Variants in STK24 observed in about 807,000 individuals in gnomAD.
The protein encoded by STK24 is serine/threonine-protein kinase 24.
A neutral mutation model predicts 55.6 loss-of-function variants in STK24; 21 were observed. That is an observed-to-expected ratio of 0.38 (90% CI 0.27 to 0.54). The LOEUF (loss-of-function observed/expected upper bound fraction) is 0.54, where lower values mean the gene tolerates loss of function less well. Ranked by LOEUF, STK24 falls within the 20% of genes least tolerant of loss-of-function variation. The pLI, the probability that STK24 is intolerant of heterozygous loss-of-function variation, is 0.79. For missense variants in STK24, 383 were observed against 538.4 expected (o/e 0.71, Z 2.86); for synonymous variants, 200 against 215.2 (o/e 0.93, Z 0.62).
At chr13:98,460,514 A>C in intron 8 of STK24, 74 bp from the exon 9 acceptor site, 1 of 1,264,400 alleles carries the variant, frequency 7.9e-7, no homozygotes, top group Non-Finnish European at 1.1e-6. Context: ...TAAACCTCCC[A>C]CCTGGACTAT....
chr13:98,485,009 G>A (rs934174490), intron 2 of STK24, among the ~76,000 whole-genome samples: 4 of 152,070 alleles, frequency 2.6e-5, no homozygotes, highest in Admixed American at 6.5e-5. Flanking sequence ...ACCCGGGCTG[G>A]GCCTGTGACT....
intron 1 of STK24, among the ~76,000 whole-genome samples, chr13:98,540,901 T>A (rs1201960237): frequency 6.6e-6 from 1 of 151,836 alleles, no homozygotes; most frequent in Non-Finnish European, 1.5e-5. Flanking sequence ...AGGACCCATT[T>A]AAGATTAAAT....
At chr13:98,555,795 C>T (rs1192933404) in intron 1 of STK24, among the ~76,000 whole-genome samples, 8 of 149,798 alleles carry the variant, frequency 5.3e-5, no homozygotes, top group Admixed American at 5.3e-4. Flanking sequence ...ATTCTCCTGC[C>T]TCAGCCTCCC....
intron 2 of STK24, among the ~76,000 whole-genome samples, chr13:98,513,196 G>C (rs116819825): frequency 6.6e-6 from 1 of 152,312 alleles, no homozygotes; most frequent in African/African-American, 2.4e-5. Flanking sequence ...GCCTGCACTG[G>C]GTCCTGCCAC....
chr13:98,514,585 G>T (rs1014436762), intron 2 of STK24, among the ~76,000 whole-genome samples: 3 of 152,198 alleles, frequency 2.0e-5, no homozygotes, highest in African/African-American at 7.2e-5. Flanking sequence ...ATGAAAACTT[G>T]TAAGTCAGGG....
intron 5 of STK24, among the ~76,000 whole-genome samples, chr13:98,467,561 A>G (rs945219177): frequency 1.3e-5 from 2 of 152,024 alleles, no homozygotes; most frequent in African/African-American, 2.4e-5. Flanking sequence ...CAGGTCCCAA[A>G]TTCGGGATTT....
chr13:98,458,391 A>G (rs1000883657), intron 9 of STK24, among the ~76,000 whole-genome samples: 1 of 152,168 alleles, frequency 6.6e-6, no homozygotes, highest in Admixed American at 6.5e-5. Flanking sequence ...CAGGTTGTTG[A>G]ACACATGCTG....
At chr13:98,484,284 G>A (rs1179379977) in intron 2 of STK24, among the ~76,000 whole-genome samples, 3 of 152,204 alleles carry the variant, frequency 2.0e-5, no homozygotes, top group Non-Finnish European at 4.4e-5. Flanking sequence ...GATGGCAAAG[G>A]AAATCTAAAT....
chr13:98,566,829 A>G (rs978057205), intron 1 of STK24, among the ~76,000 whole-genome samples: 2 of 152,182 alleles, frequency 1.3e-5, no homozygotes, highest in Non-Finnish European at 2.9e-5. Flanking sequence ...CTCAAGAAAT[A>G]TTTGGTACCA....
intron 8 of STK24, among the ~76,000 whole-genome samples, chr13:98,460,657 C>G (rs1348596026): frequency 6.6e-6 from 1 of 152,122 alleles, no homozygotes; most frequent in Non-Finnish European, 1.5e-5. Flanking sequence ...AAAACCCACG[C>G]ACCGGGGAAA....
intron 7 of STK24, 130 bp from the exon 8 acceptor site, chr13:98,462,027 C>T: frequency 1.8e-6 from 2 of 1,120,480 alleles, no homozygotes; most frequent in Non-Finnish European, 2.5e-6. Flanking sequence ...CCACCCATCA[C>T]ACCCTTGTCC....
chr13:98,502,748 A>G (rs1895524293), intron 2 of STK24, among the ~76,000 whole-genome samples: 2 of 152,170 alleles, frequency 1.3e-5, no homozygotes, highest in African/African-American at 4.8e-5. Flanking sequence ...AGCCTCCAGA[A>G]CTGTGAAAAA....
intron 2 of STK24, among the ~76,000 whole-genome samples, chr13:98,516,529 C>A (rs1166247569): frequency 6.6e-6 from 1 of 152,184 alleles, no homozygotes; most frequent in East Asian, 1.9e-4. Flanking sequence ...CATTTCTTAG[C>A]CTCTCCTGGG....
intron 2 of STK24, among the ~76,000 whole-genome samples, chr13:98,518,336 G>A (rs1463027721): frequency 1.3e-5 from 2 of 152,214 alleles, no homozygotes; most frequent in Non-Finnish European, 1.5e-5. Context: ...GTAACTTAGA[G>A]ACTTTAGAGG....
In STK24 at chr13:98,449,323, A is replaced by C. The variant is rs1418750760; in HGVS notation, c.*3850T>G. Reference sequence around the variant, plus strand: ...GTATATATCGTGCCTGTCTTCAAAAACATTTCCCTTTTTATACTCATTCCC... The same window carrying C: ...GTATATATCGTGCCTGTCTTCAAAACCATTTCCCTTTTTATACTCATTCCC... On this transcript the variant is annotated 3_prime_UTR_variant, in exon 11 of 11. Coordinates refer to ENST00000539966, the MANE Select transcript of STK24 (RefSeq NM_001032296.4). 1.8e-4 allele frequency: 27 copies of C among 152,292 alleles called. No homozygotes were observed. The highest frequency in any genetic ancestry group is 3.4e-3 in the Middle Eastern group (1 of 294). The allele number at this position is 152,292 out of a possible 1,614,324, so 9.4% of individuals were successfully genotyped here.
chr13:98,481,621 G>A (rs552635950), intron 3 of STK24, among the ~76,000 whole-genome samples: 12 of 152,300 alleles, frequency 7.9e-5, no homozygotes, highest in Non-Finnish European at 1.6e-4. Flanking sequence ...CCCTACAAAA[G>A]TAAATAGAAC....
intron 2 of STK24, among the ~76,000 whole-genome samples, chr13:98,483,927 T>C (rs1032587623): frequency 1.3e-5 from 2 of 152,224 alleles, no homozygotes; most frequent in African/African-American, 4.8e-5. Flanking sequence ...CAAGTTTTAA[T>C]GTATGTTGAA....
At chr13:98,560,005 A>G (rs1007935133) in intron 1 of STK24, among the ~76,000 whole-genome samples, 2 of 152,192 alleles carry the variant, frequency 1.3e-5, no homozygotes, top group Non-Finnish European at 2.9e-5. Flanking sequence ...TAATAATAGA[A>G]GTGTAGTAGT....
intron 2 of STK24, among the ~76,000 whole-genome samples, chr13:98,497,979 A>G (rs572026098): frequency 1.3e-5 from 2 of 152,340 alleles, no homozygotes; most frequent in Admixed American, 1.3e-4. Context: ...ACACCCCACT[A>G]CACCTATTTT....
Sources: gnomAD v4.1 joint callset for allele counts (sites outside exome capture counted in the v4.1 genomes callset) on GRCh38, gnomAD v4.1.1 for gene constraint, MANE v1.5 for transcripts, NCBI Gene and HGNC (gene_info 2026-07-23, HGNC 2026-07-21) for gene names.